Variants in CBFA2T3 observed in about 807,000 individuals in gnomAD.
CBFA2T3 encodes CBFA2/RUNX1 partner transcriptional co-repressor 3.
A neutral mutation model predicts 58.6 loss-of-function variants in CBFA2T3; 31 were observed. The ratio of observed to expected loss-of-function variants is 0.53; its 90% CI spans 0.40 to 0.71. The LOEUF (loss-of-function observed/expected upper bound fraction) is 0.71, where lower values mean the gene tolerates loss of function less well. CBFA2T3 is among the 30% of genes least tolerant of loss of function. The pLI is 0.00. For missense variants in CBFA2T3, 1,076 were observed against 963.1 expected (o/e 1.12, Z -1.55); for synonymous variants, 531 against 421.9 (o/e 1.26, Z -3.17).
Position 88,876,810 on chromosome 16 carries a change from C to A in CBFA2T3, c.*166G>T. On this transcript the variant is annotated 3_prime_UTR_variant, in exon 12 of 12. Coordinates refer to ENST00000268679, the MANE Select transcript of CBFA2T3 (RefSeq NM_005187.6). ...GTTTTGTTGGTTCTGTGTCTTCTTT[C>A]GGAGAGGGGCAGTAGCAGCAGTGAC... 1 of 536,482 alleles carries A rather than the reference C, an allele frequency of 1.9e-6. No homozygotes were observed. Among genetic ancestry groups the A allele is most frequent in the Non-Finnish European group, 3.1e-6 (1 of 318,672 alleles). 33.2% of individuals were successfully genotyped at this position (536,482 alleles called of 1,614,324 possible). A position where few individuals can be genotyped will look rare whatever the true frequency, so the allele number is the denominator to read the frequency against.
intron 1 of CBFA2T3, among the ~76,000 whole-genome samples, chr16:88,952,442 T>C (rs956483807): frequency 6.6e-6 from 1 of 150,716 alleles, no homozygotes; most frequent in Non-Finnish European, 1.5e-5. Context: ...GCAGGACAAA[T>C]GCCCAGGCCA....
intron 2 of CBFA2T3, among the ~76,000 whole-genome samples, chr16:88,901,189 T>C (rs1016553168): frequency 1.3e-5 from 2 of 152,244 alleles, no homozygotes; most frequent in Non-Finnish European, 2.9e-5. Context: ...CGGCCGGCTT[T>C]GACCCATGGC....
intron 3 of CBFA2T3, among the ~76,000 whole-genome samples, chr16:88,894,414 T>C (rs564565385): frequency 1.0e-5 from 1 of 97,188 alleles, no homozygotes; most frequent in African/African-American, 5.0e-5. Flanking sequence ...CACACACACA[T>C]GCATACATAT....
intron 1 of CBFA2T3, among the ~76,000 whole-genome samples, chr16:88,962,574 T>C (rs1464208098): frequency 6.6e-6 from 1 of 152,090 alleles, no homozygotes; most frequent in African/African-American, 2.4e-5. Flanking sequence ...TGAGGGCACG[T>C]GGTGGGGCCA....
chr16:88,929,730 G>A (rs485441), intron 1 of CBFA2T3, among the ~76,000 whole-genome samples: 1,956 of 40,586 alleles, frequency 0.048, 8 homozygotes, highest in Middle Eastern at 0.16. Context: ...CCACAGCTGC[G>A]TGGTCCACGC....
chr16:88,890,914 G>C (rs1969605029), intron 5 of CBFA2T3, among the ~76,000 whole-genome samples: 1 of 152,092 alleles, frequency 6.6e-6, no homozygotes, highest in African/African-American at 2.4e-5. Flanking sequence ...GGGTCTAGCT[G>C]TGTTGCCCAG....
chr16:88,908,695 C>T (rs765541439), intron 1 of CBFA2T3, among the ~76,000 whole-genome samples: 27 of 152,254 alleles, frequency 1.8e-4, no homozygotes, highest in Admixed American at 5.2e-4. Context: ...CGGCCTTCCC[C>T]GCCTCGTACC....
intron 3 of CBFA2T3, among the ~76,000 whole-genome samples, chr16:88,896,325 G>T (rs1436599781): frequency 6.6e-6 from 1 of 152,208 alleles, no homozygotes; most frequent in Admixed American, 6.5e-5. Flanking sequence ...TGCACAGGGG[G>T]TAGCCTGTCT....
chr16:88,935,741 C>A (rs1359817022), intron 1 of CBFA2T3, among the ~76,000 whole-genome samples: 1 of 152,252 alleles, frequency 6.6e-6, no homozygotes, highest in African/African-American at 2.4e-5. Flanking sequence ...CATCATGCCG[C>A]ATCCACCACT....
At chr16:88,954,329 G>C (rs1972152717) in intron 1 of CBFA2T3, among the ~76,000 whole-genome samples, 1 of 146,080 alleles carries the variant, frequency 6.8e-6, no homozygotes, top group African/African-American at 2.8e-5. Flanking sequence ...CCCCACCCAA[G>C]GCTCCTGACC....
chr16:88,891,033 C>T (rs1429829566), intron 5 of CBFA2T3, among the ~76,000 whole-genome samples: 2 of 152,156 alleles, frequency 1.3e-5, no homozygotes, highest in Non-Finnish European at 2.9e-5. Context: ...GCCTGCAAAG[C>T]TGACAAGCCC....
chr16:88,969,994 G>C (rs1403463309), intron 1 of CBFA2T3, among the ~76,000 whole-genome samples: 1 of 152,224 alleles, frequency 6.6e-6, no homozygotes, highest in Non-Finnish European at 1.5e-5. Flanking sequence ...ACTCCTCCCA[G>C]GGAGAAAGCC....
rs758794890 is a variant in CBFA2T3 at position 88,962,734 on chromosome 16, A to G, written c.151+13923T>C. On this transcript the variant is annotated intron_variant, in intron 1 of 11. Transcript: ENST00000268679. Reference sequence around the variant, plus strand: ...CACGGTGCTCGGCCCAGCCACGAACATGGGTGTCTTTAGATGTCGCCTGGT... The same window carrying G: ...CACGGTGCTCGGCCCAGCCACGAACGTGGGTGTCTTTAGATGTCGCCTGGT... Among the ~76,000 whole-genome samples the G allele has an allele frequency of 2.6e-5, 4 of 152,300 alleles. No individual in the cohort carries two copies. In the East Asian group the frequency reaches 7.7e-4, roughly 29 times the overall value.
chr16:88,977,043 G>A lies in CBFA2T3; in HGVS notation c.-236C>T, dbSNP rs895763267. Reference sequence around the variant, plus strand: ...CTCATGTGACGCGGGGCGGGCCTGGGGCTGCAGGCTGGGGAAGGTCTCCCT... The same window carrying A: ...CTCATGTGACGCGGGGCGGGCCTGGAGCTGCAGGCTGGGGAAGGTCTCCCT... On this transcript the variant is annotated 5_prime_UTR_variant, in exon 1 of 12. Transcript: ENST00000268679. 4.3e-5 allele frequency: 20 copies of A among 464,188 alleles called. No individual in the cohort carries two copies. Among genetic ancestry groups the A allele is most frequent in the African/African-American group, 2.7e-4 (14 of 51,856 alleles). 28.8% of individuals were successfully genotyped at this position (464,188 alleles called of 1,614,324 possible).
intron 1 of CBFA2T3, among the ~76,000 whole-genome samples, chr16:88,922,752 C>G (rs991292179): frequency 2.6e-5 from 4 of 152,248 alleles, no homozygotes; most frequent in Non-Finnish European, 4.4e-5. Flanking sequence ...AATCCCATCC[C>G]GACCTCGGAG....
At chr16:88,956,796 C>A (rs1233042402) in intron 1 of CBFA2T3, among the ~76,000 whole-genome samples, 1 of 152,214 alleles carries the variant, frequency 6.6e-6, no homozygotes, top group Non-Finnish European at 1.5e-5. Context: ...TGGAACTGGA[C>A]CGCATGGCCC....
intron 1 of CBFA2T3, among the ~76,000 whole-genome samples, chr16:88,918,796 A>G (rs73254263): frequency 0.028 from 4,307 of 152,294 alleles, 117 homozygotes; most frequent in African/African-American, 0.066. Flanking sequence ...GGTGCCGAGA[A>G]CCTTGGAGCC....
At chr16:88,917,159 C>T (rs1597724690) in intron 1 of CBFA2T3, among the ~76,000 whole-genome samples, 1 of 152,210 alleles carries the variant, frequency 6.6e-6, no homozygotes. Flanking sequence ...GTCGGCTGAC[C>T]CCAGGCCCGG....
chr16:88,917,622 G>A (rs566707792), intron 1 of CBFA2T3, among the ~76,000 whole-genome samples: 53 of 152,286 alleles, frequency 3.5e-4, no homozygotes, highest in Non-Finnish European at 5.3e-4. Flanking sequence ...TGCAGAGGGC[G>A]GCTGCCAAGT....
Sources: allele counts gnomAD v4.1 joint callset (sites outside exome capture counted in the v4.1 genomes callset), GRCh38; gene constraint gnomAD v4.1.1; transcripts MANE v1.5; gene names NCBI Gene and HGNC (gene_info 2026-07-23, HGNC 2026-07-21).